Variants in SLC4A8 observed in about 807,000 individuals in gnomAD.
The protein encoded by SLC4A8 is solute carrier family 4 member 8, also known as electroneutral sodium bicarbonate exchanger 1.
A neutral mutation model predicts 125.0 loss-of-function variants in SLC4A8; 40 were observed. The ratio of observed to expected loss-of-function variants is 0.32; its 90% CI spans 0.25 to 0.42. The LOEUF is 0.42. SLC4A8 is among the 10% of genes least tolerant of loss of function. The pLI, the probability that SLC4A8 is intolerant of heterozygous loss-of-function variation, is 1.00. For synonymous variants in SLC4A8, 456 were observed against 476.0 expected (o/e 0.96, Z 0.55); for missense variants, 863 against 1,355.1 (o/e 0.64, Z 5.70).
chr12:51,452,222 A>C lies in SLC4A8; in HGVS notation c.376A>C (p.Lys126Gln), dbSNP rs1449453473. 2 of 1,614,068 alleles carry C rather than the reference A, an allele frequency of 1.2e-6. No individual in the cohort carries two copies. The highest frequency in any genetic ancestry group is 1.3e-5 in the African/African-American group (1 of 74,944). The change falls in exon 4 of 25, where the codon AAA becomes CAA. Residue 126 changes from lysine (K) to glutamine (Q), a missense_variant. Lys to Gln is a moderately conservative substitution (Grantham distance 53). Around this residue, in one of 6 missense-constraint regions of SLC4A8, gnomAD observed 390 missense variants for 634.4 expected, o/e 0.61. Coordinates refer to ENST00000453097, the MANE Select transcript of SLC4A8 (RefSeq NM_001039960.3). ...TACAGAGCTGGATGAGATCTGTATG[A>C]AAGAGGGAGAAGATGCTGAGTGGAA... ...LFTELDEICM[K>Q]EGEDAEWKET...
chr12:51,413,540 ATAG>A (rs1948630778), intron 1 of SLC4A8, among the ~76,000 whole-genome samples: 1 of 152,192 alleles, frequency 6.6e-6, no homozygotes. Flanking sequence ...AGTAGTATTT[ATAG>A]TTCCTGGTCT....
At chr12:51,506,895 A>T (rs1445414472) in intron 24 of SLC4A8, among the ~76,000 whole-genome samples, 1 of 152,184 alleles carries the variant, frequency 6.6e-6, no homozygotes, top group Non-Finnish European at 1.5e-5. Context: ...TAGTCCAAAT[A>T]CCATTTAAAT....
At position 51,489,810 on chromosome 12, in the gene SLC4A8, T is replaced by C. The variant is rs772006201; in HGVS notation, c.2559T>C (p.His853=). The C allele has an allele frequency of 2.6e-5, 42 of 1,614,088 alleles. No homozygotes were observed. Among genetic ancestry groups the C allele is most frequent in the Admixed American group, 1.2e-4 (7 of 60,008 alleles). Residue 853 remains histidine, a synonymous_variant, in exon 19 of 25, where the codon CAT becomes CAC. Transcript: ENST00000453097. ...FVAATVLSIT[H]VNSLKLESEC... is the part of the protein sequence containing the mutation. ...CTGCAACTGTCTTGTCCATCACACA[T>C]GTGAACAGCCTCAAGCTAGAATCTG...
chr12:51,452,222 A>G lies in SLC4A8; in HGVS notation c.376A>G (p.Lys126Glu). 2 of 1,614,186 alleles carry G rather than the reference A, an allele frequency of 1.2e-6. No homozygotes were observed. Among genetic ancestry groups the G allele is most frequent in the Non-Finnish European group, 1.7e-6 (2 of 1,180,006 alleles). The stretch of plus-strand genomic sequence containing the variant: ...TACAGAGCTGGATGAGATCTGTATG[A>G]AAGAGGGAGAAGATGCTGAGTGGAA... The part of the protein sequence containing the change: ...LFTELDEICM[K>E]EGEDAEWKET... The change falls in exon 4 of 25, where the codon AAA (lysine) becomes GAA (glutamate). Residue 126 changes from lysine to glutamate, a missense_variant. Physicochemically the swap from Lys to Glu is moderately conservative, Grantham distance 56. Coordinates refer to ENST00000453097, the MANE Select transcript of SLC4A8 (RefSeq NM_001039960.3).
intron 16 of SLC4A8, among the ~76,000 whole-genome samples, chr12:51,478,208 G>A (rs1382888381): frequency 6.6e-6 from 1 of 151,678 alleles, no homozygotes; most frequent in East Asian, 1.9e-4. Flanking sequence ...CTGAGAGGCG[G>A]AGGTTGCAGT....
intron 2 of SLC4A8, among the ~76,000 whole-genome samples, chr12:51,443,905 C>T (rs1218271415): frequency 6.6e-6 from 1 of 152,138 alleles, no homozygotes; most frequent in Admixed American, 6.5e-5. Context: ...TGGTTCCTGT[C>T]CTGCTTCACA....
intron 8 of SLC4A8, 107 bp downstream of exon 8, chr12:51,460,215 A>C (rs528112511): frequency 2.1e-6 from 2 of 975,240 alleles, no homozygotes; most frequent in South Asian, 2.6e-5. Context: ...TAATTTTAGG[A>C]ATGGTGTTTA....
upstream of SLC4A8, among the ~76,000 whole-genome samples, chr12:51,424,028 C>T (rs1226852196): frequency 3.2e-5 from 3 of 93,838 alleles, no homozygotes; most frequent in African/African-American, 1.3e-4. Context: ...AAGAGTGAAA[C>T]TTCGTCTCCA....
intron 17 of SLC4A8, among the ~76,000 whole-genome samples, chr12:51,487,439 G>T (rs1951189742): frequency 6.6e-6 from 1 of 152,170 alleles, no homozygotes. Context: ...TTTGGACTTG[G>T]TGGTGTTATT....
At chr12:51,491,477 G>T (rs1592268752) in intron 19 of SLC4A8, among the ~76,000 whole-genome samples, 1 of 152,068 alleles carries the variant, frequency 6.6e-6, no homozygotes, top group African/African-American at 2.4e-5. Context: ...AAGAAAGAGG[G>T]ATTGGGTAGA....
At position 51,475,082 on chromosome 12, in the gene SLC4A8, C is replaced by T. The variant is rs376308798; in HGVS notation, c.2048C>T (p.Ala683Val). The T allele has an allele frequency of 8.7e-6, 14 of 1,613,858 alleles. No homozygotes were observed. The highest frequency in any genetic ancestry group is 6.6e-5 in the South Asian group (6 of 91,064). ...ATGCATGGAGAGTTCATGGGATCTG[C>T]GTGCGGCCATCATGGACCCTACACT... The part of the protein sequence containing the change: ...QEMHGEFMGS[A>V]CGHHGPYTPD... The change falls in exon 16 of 25, where the codon GCG becomes GTG. Residue 683 changes from alanine to valine, a missense_variant. By Grantham distance (64) the Ala-to-Val change is moderately conservative. Transcript: ENST00000453097.
rs754708515 is a variant in SLC4A8, at chr12:51,450,955, G to A, written c.210G>A (p.Lys70=). The A allele has an allele frequency of 1.9e-6, 3 of 1,602,548 alleles. No individual in the cohort carries two copies. The highest frequency in any genetic ancestry group is 2.6e-6 in the Non-Finnish European group (3 of 1,173,592). ...SHRHHRTHGQ[K]HRRRGRGKGA... is the part of the protein sequence containing the mutation. Reference sequence around the variant, plus strand: ...GGCATCACCGCACTCATGGCCAGAAGCACCGGAGACGAGGGCGGGGCAAAG... The same window carrying A: ...GGCATCACCGCACTCATGGCCAGAAACACCGGAGACGAGGGCGGGGCAAAG... The change falls in exon 3 of 25, where the codon AAG becomes AAA. Residue 70 remains lysine, a synonymous_variant. Transcript: ENST00000453097.
chr12:51,404,948 A>G (rs1322665941), intron 1 of SLC4A8, among the ~76,000 whole-genome samples: 1 of 152,088 alleles, frequency 6.6e-6, no homozygotes, highest in African/African-American at 2.4e-5. Context: ...AATATGATGC[A>G]CTGGATTAAG....
intron 15 of SLC4A8, 127 bp downstream of exon 15, chr12:51,474,574 A>C (rs978093799): frequency 4.6e-5 from 66 of 1,441,208 alleles, no homozygotes; most frequent in Non-Finnish European, 5.2e-5. Context: ...TTTTTAAAAA[A>C]CAATTCTTAC....
At chr12:51,479,002 A>G (rs933275546) in intron 16 of SLC4A8, among the ~76,000 whole-genome samples, 9 of 152,202 alleles carry the variant, frequency 5.9e-5, no homozygotes, top group Admixed American at 1.3e-4. Flanking sequence ...TCAAGGATGC[A>G]GTGAGATTTG....
chr12:51,410,876 C>CTTTTTT (rs58043742), intron 1 of SLC4A8, among the ~76,000 whole-genome samples: 2 of 117,402 alleles, frequency 1.7e-5, no homozygotes, highest in Non-Finnish European at 3.5e-5. Flanking sequence ...CTTTTCTTTT[C>CTTTTTT]TTTTTTTTTT....
At chr12:51,486,107 G>A (rs1298070390) in intron 17 of SLC4A8, among the ~76,000 whole-genome samples, 1 of 152,054 alleles carries the variant, frequency 6.6e-6, no homozygotes, top group African/African-American at 2.4e-5. Context: ...GAAAAACCAA[G>A]GTTGTTTAAT....
At position 51,462,307 on chromosome 12, in the gene SLC4A8, T is replaced by C. The variant is rs780355236; in HGVS notation, c.1102-3T>C. 5 of 1,613,762 alleles carry C rather than the reference T, an allele frequency of 3.1e-6. No individual in the cohort carries two copies. The South Asian group carries it at 5.5e-5, about 18-fold the overall frequency. On this transcript the variant is annotated splice_polypyrimidine_tract_variant and splice_region_variant and intron_variant, in intron 9 of 24. Transcript: ENST00000453097. ...TTTCCTGAGGGTTTTCTCTTCTCTG[T>C]AGATTTTTCATGACGTAGCATATAA...
rs1305312210 is a variant in SLC4A8 at position 51,509,697 on chromosome 12, G to A, written c.*2259G>A. ...CCCTAACACACGGATGTCTTGTGCT[G>A]CCTTGACCGCTTGAGGGGAGGAGCC... On this transcript the variant is annotated 3_prime_UTR_variant, in exon 25 of 25. Transcript: ENST00000453097. The A allele has an allele frequency of 6.6e-6, 1 of 152,254 alleles. No individual in the cohort carries two copies. Among genetic ancestry groups the A allele is most frequent in the African/African-American group, 2.4e-5 (1 of 41,442 alleles). The allele number at this position is 152,254 out of a possible 1,614,324, so 9.4% of individuals were successfully genotyped here.
Sources: gnomAD v4.1 joint callset for allele counts (sites outside exome capture counted in the v4.1 genomes callset) on GRCh38, gnomAD v4.1.1 for gene constraint, gnomAD v4.1.1 regional missense constraint, MANE v1.5 for transcripts, NCBI Gene and HGNC (gene_info 2026-07-23, HGNC 2026-07-21) for gene names.